Variants in HIGD1B observed in about 807,000 individuals in gnomAD.
HIGD1B encodes HIG1 hypoxia inducible domain family member 1B, also known as HIG1 domain family member 1B.
HIGD1B carries 9 observed loss-of-function variants against 8.8 expected under a neutral mutation model. The observed-to-expected ratio is 1.02, with a 90% CI of 0.62 to 1.78. The LOEUF is 1.78. Among genes scored for constraint, HIGD1B ranks in the 40% most tolerant of loss-of-function variants. The pLI is 0.00. For missense variants in HIGD1B, 126 were observed against 111.8 expected, an observed-to-expected ratio of 1.13 and a Z score of -0.57; for synonymous variants, 47 against 38.8, an observed-to-expected ratio of 1.21 and a Z score of -0.78.
At position 44,849,494 on chromosome 17, in the gene HIGD1B, G is replaced by A. The variant is rs747284287; in HGVS notation, c.235+106G>A. ...GGACTGTGCTTGGCTGGGCGCGGTG[G>A]TTCACGCCTGTAATCTCAACACTTT... On this transcript the variant is annotated intron_variant, in intron 2 of 2. Coordinates refer to ENST00000253410, the MANE Select transcript of HIGD1B (RefSeq NM_016438.4). 322 of 1,314,318 alleles carry A rather than the reference G, an allele frequency of 2.4e-4. No homozygotes were observed. The African/African-American group carries it at 3.5e-3, about 14-fold the overall frequency. The allele number at this position is 1,314,318 out of a possible 1,614,324, so 81.4% of individuals were successfully genotyped here. A position where few individuals can be genotyped will look rare whatever the true frequency, so the allele number is the denominator to read the frequency against.
At chr17:44,849,459 A>C in intron 2 of HIGD1B, 71 bp downstream of exon 2, 1 of 1,579,128 alleles carries the variant, frequency 6.3e-7, no homozygotes, top group Non-Finnish European at 8.7e-7. Flanking sequence ...TTAAGTCCCA[A>C]CAATTAAAAG....
upstream of HIGD1B, among the ~76,000 whole-genome samples, chr17:44,845,730 G>A (rs935126308): frequency 6.6e-6 from 1 of 151,966 alleles, no homozygotes; most frequent in African/African-American, 2.4e-5. Context: ...TCAGGATTTC[G>A]AGACCAGCCC....
chr17:44,848,099 T>C lies in HIGD1B; in HGVS notation c.-54T>C, dbSNP rs899103146. Reference sequence around the variant, plus strand: ...GTTCTGATTGTGGAGTGCCTCTCTCTAGGACGGGGCTGCAGCATAGGAGTC... The same window carrying C: ...GTTCTGATTGTGGAGTGCCTCTCTCCAGGACGGGGCTGCAGCATAGGAGTC... On this transcript the variant is annotated 5_prime_UTR_variant, in exon 1 of 3. Transcript: ENST00000253410. 9.4e-5 allele frequency: 79 copies of C among 836,382 alleles called. No homozygotes were observed. The Middle Eastern group carries it at 3.0e-3, about 32-fold the overall frequency. 51.8% of individuals were successfully genotyped at this position (836,382 alleles called of 1,614,324 possible). A position where few individuals can be genotyped will look rare whatever the true frequency, so the allele number is the denominator to read the frequency against.
At chr17:44,845,286 T>C (rs539805175), upstream of HIGD1B, among the ~76,000 whole-genome samples, 2 of 148,740 alleles carry the variant, frequency 1.3e-5, no homozygotes, top group African/African-American at 5.0e-5. Flanking sequence ...GAAAGAAATA[T>C]ACTGAGTACA....
chr17:44,849,606 A>T (rs1403802112), intron 2 of HIGD1B, among the ~76,000 whole-genome samples: 1 of 152,018 alleles, frequency 6.6e-6, no homozygotes, highest in Non-Finnish European at 1.5e-5. Flanking sequence ...CTAAAAATAC[A>T]AAAATTAGCT....
At chr17:44,846,682 T>A (rs2050325541), upstream of HIGD1B, among the ~76,000 whole-genome samples, 1 of 151,312 alleles carries the variant, frequency 6.6e-6, no homozygotes, top group Non-Finnish European at 1.5e-5. Context: ...TAGTCCCAGC[T>A]ACTTGAGAGG....
intron 2 of HIGD1B, among the ~76,000 whole-genome samples, chr17:44,849,758 C>CAAAAAAAAAAAAAAAA (rs61617877): frequency 1.5e-4 from 8 of 52,540 alleles, no homozygotes; most frequent in African/African-American, 4.9e-4. Context: ...GACTCTGTCT[C>CAAAAAAAAAAAAAAAA]AAAAAAAAAA....
chr17:44,846,998 A>G (rs1293616041), upstream of HIGD1B, among the ~76,000 whole-genome samples: 1 of 151,280 alleles, frequency 6.6e-6, no homozygotes, highest in Non-Finnish European at 1.5e-5. Flanking sequence ...TTAGCTGGGC[A>G]TGGTACACAC....
At position 44,848,384 on chromosome 17, in the gene HIGD1B, C is replaced by T. The variant is rs116138957; in HGVS notation, c.100+132C>T. Reference sequence around the variant, plus strand: ...ACTCACGGAACAAGGGAAACAACAGCAAAGGTGCCAAGGGGCAAACCCTTA... The same window carrying T: ...ACTCACGGAACAAGGGAAACAACAGTAAAGGTGCCAAGGGGCAAACCCTTA... On this transcript the variant is annotated intron_variant, in intron 1 of 2. Coordinates refer to ENST00000253410, the MANE Select transcript of HIGD1B (RefSeq NM_016438.4). 4.3e-3 allele frequency: 2,697 copies of T among 626,442 alleles called. 55 individuals are homozygous for T. Among genetic ancestry groups the T allele is most frequent in the African/African-American group, 0.043 (2,333 of 54,492 alleles). 38.8% of individuals were successfully genotyped at this position (626,442 alleles called of 1,614,324 possible).
chr17:44,850,260 A>G (rs2231647), intron 2 of HIGD1B, 72 bp from the exon 3 acceptor site: 785,088 of 1,243,814 alleles, frequency 0.63, 251,235 homozygotes, highest in African/African-American at 0.87. Context: ...GTGAACCCCT[A>G]GGACGCCTGA....
chr17:44,850,240 G>C, intron 2 of HIGD1B, 92 bp from the exon 3 acceptor site: 1 of 913,796 alleles, frequency 1.1e-6, no homozygotes, highest in African/African-American at 1.6e-5. Flanking sequence ...TCTCAAGGGA[G>C]CAGCTAGAGG....
At chr17:44,848,487 AC>A (rs1189151053) in intron 1 of HIGD1B, among the ~76,000 whole-genome samples, 1 of 152,212 alleles carries the variant, frequency 6.6e-6, no homozygotes, top group Non-Finnish European at 1.5e-5. Context: ...TGGAGCACCA[AC>A]ACCAAAGTGG....
intron 1 of HIGD1B, chr17:44,848,976 T>C (rs940268300): frequency 3.1e-6 from 1 of 320,982 alleles, no homozygotes; most frequent in Non-Finnish European, 5.9e-6. Flanking sequence ...GGTTTCTCCA[T>C]TTTGGTCAGG....
chr17:44,849,493 G>T, intron 2 of HIGD1B, 105 bp downstream of exon 2: 1 of 1,338,358 alleles, frequency 7.5e-7, no homozygotes, highest in East Asian at 2.4e-5. Context: ...TGGGCGCGGT[G>T]GTTCACGCCT....
chr17:44,848,987 C>A, intron 1 of HIGD1B: 1 of 360,762 alleles, frequency 2.8e-6, no homozygotes. Context: ...TTTGGTCAGG[C>A]TGGTCTCAAA....
Position 44,848,108 on chromosome 17 carries a change from G to A in HIGD1B, c.-45G>A, listed in dbSNP as rs1185665331. 5 of 850,368 alleles carry A rather than the reference G, an allele frequency of 5.9e-6. No homozygotes were observed. Among genetic ancestry groups the A allele is most frequent in the Non-Finnish European group, 1.0e-5 (5 of 485,978 alleles). 52.7% of individuals were successfully genotyped at this position (850,368 alleles called of 1,614,324 possible). A position where few individuals can be genotyped will look rare whatever the true frequency, so the allele number is the denominator to read the frequency against. ...GTGGAGTGCCTCTCTCTAGGACGGG[G>A]CTGCAGCATAGGAGTCTCAGCTGCT... is the stretch of plus-strand genomic sequence containing the variant. On this transcript the variant is annotated 5_prime_UTR_variant, in exon 1 of 3. Transcript: ENST00000253410.
upstream of HIGD1B, chr17:44,846,503 A>C (rs1318105804): frequency 6.6e-6 from 1 of 152,270 alleles, no homozygotes; most frequent in East Asian, 1.9e-4. Context: ...ACTAGGATAG[A>C]AGCTGACTCA....
upstream of HIGD1B, among the ~76,000 whole-genome samples, chr17:44,847,260 C>T (rs1448401616): frequency 5.3e-5 from 8 of 151,832 alleles, no homozygotes; most frequent in South Asian, 2.1e-4. Flanking sequence ...GGTGAAACCC[C>T]GTCTCTACTA....
At chr17:44,846,036 AGT>A (rs1289255847), upstream of HIGD1B, among the ~76,000 whole-genome samples, 2 of 152,062 alleles carry the variant, frequency 1.3e-5, no homozygotes, top group Non-Finnish European at 2.9e-5. Context: ...TATCCGAGGG[AGT>A]GTAACTTGGG....
Sources: gnomAD v4.1 joint callset for allele counts (sites outside exome capture counted in the v4.1 genomes callset) on GRCh38, gnomAD v4.1.1 for gene constraint, MANE v1.5 for transcripts, NCBI Gene and HGNC (gene_info 2026-07-23, HGNC 2026-07-21) for gene names.